Variants in BLTP2 observed in about 807,000 individuals in gnomAD.
BLTP2 encodes the protein bridge-like lipid transfer protein family member 2.
chr17:28,638,667 T>C, the BLTP2 span: 1 of 1,393,602 alleles, frequency 7.2e-7, no homozygotes, highest in Non-Finnish European at 1.0e-6. Context: ...GACATCATTG[T>C]TTGGTAAGAA....
At chr17:28,627,566 A>G in the BLTP2 span, among the ~76,000 whole-genome samples, 1 of 151,880 alleles carries the variant, frequency 6.6e-6, no homozygotes, top group Non-Finnish European at 1.5e-5. Context: ...GCCACCATGC[A>G]CGGCTAATTT....
the BLTP2 span, chr17:28,618,729 T>G: frequency 1.5e-6 from 2 of 1,379,084 alleles, no homozygotes; most frequent in Non-Finnish European, 2.0e-6. Context: ...TGAGTTAGAC[T>G]CCTAAGCTAG....
At chr17:28,639,314 CCTTT>C in the BLTP2 span, 2 of 1,614,008 alleles carry the variant, frequency 1.2e-6, no homozygotes, top group Non-Finnish European at 1.7e-6. Context: ...ATCAGACTGA[CCTTT>C]TTTTCCTTTG....
chr17:28,639,516 G>C, the BLTP2 span: 1 of 1,613,028 alleles, frequency 6.2e-7, no homozygotes, highest in Non-Finnish European at 8.5e-7. Flanking sequence ...AACTCAAAAC[G>C]AAATAATGTA....
At chr17:28,637,711 G>T in the BLTP2 span, 1 of 820,378 alleles carries the variant, frequency 1.2e-6, no homozygotes, top group Non-Finnish European at 1.9e-6. Flanking sequence ...TCGCTCGTTT[G>T]CCCAGGCTCG....
chr17:28,624,257 G>A, the BLTP2 span: 1 of 1,614,134 alleles, frequency 6.2e-7, no homozygotes, highest in Non-Finnish European at 8.5e-7. Context: ...ATTCAATAAG[G>A]CAGTTTCGGT....
At chr17:28,632,142 C>T in the BLTP2 span, 5 of 1,614,060 alleles carry the variant, frequency 3.1e-6, no homozygotes, top group African/African-American at 6.7e-5. Context: ...AGAGCTTTCC[C>T]CTGCAGATAG....
the BLTP2 span, chr17:28,644,853 C>T: frequency 1.4e-6 from 1 of 710,238 alleles, no homozygotes; most frequent in Non-Finnish European, 2.3e-6. Flanking sequence ...TCGCCGCGCG[C>T]CCCCTCCCTC....
the BLTP2 span, chr17:28,640,043 C>G: frequency 6.2e-7 from 1 of 1,612,058 alleles, no homozygotes. Context: ...GAGACAGATT[C>G]CAGCTCAGGA....
the BLTP2 span, chr17:28,616,369 T>C: frequency 4.3e-6 from 7 of 1,614,138 alleles, no homozygotes; most frequent in African/African-American, 5.3e-5. This position sits in a 1 kb window ranked among gnomAD's most constrained non-coding sequence, Gnocchi z 4.8. Context: ...ATCAGGGGCA[T>C]GTTTGGTACC....
At chr17:28,620,592 C>T in the BLTP2 span, 1 of 1,614,146 alleles carries the variant, frequency 6.2e-7, no homozygotes, top group Non-Finnish European at 8.5e-7. Context: ...GTGGAAATTT[C>T]CAGCTCATGG....
chr17:28,628,100 C>T, the BLTP2 span, among the ~76,000 whole-genome samples: 1 of 152,200 alleles, frequency 6.6e-6, no homozygotes, highest in Admixed American at 6.5e-5. Context: ...CCCAACATCA[C>T]TGTTACTTAA....
chr17:28,624,406 G>A, the BLTP2 span: 1 of 1,606,698 alleles, frequency 6.2e-7, no homozygotes, highest in Non-Finnish European at 8.5e-7. Context: ...AGAGAAATAG[G>A]AAGCAGGGAA....
chr17:28,625,604 T>C, the BLTP2 span, among the ~76,000 whole-genome samples: 1 of 152,158 alleles, frequency 6.6e-6, no homozygotes, highest in Non-Finnish European at 1.5e-5. Context: ...CTGATATTAC[T>C]GTTACCATCA....
chr17:28,639,312 G>T, the BLTP2 span: 1 of 1,614,100 alleles, frequency 6.2e-7, no homozygotes, highest in South Asian at 1.1e-5. Flanking sequence ...AGATCAGACT[G>T]ACCTTTTTTT....
the BLTP2 span, chr17:28,642,389 C>T: frequency 8.8e-6 from 13 of 1,479,082 alleles, no homozygotes; most frequent in South Asian, 5.7e-5. Context: ...CGGTGGCTCA[C>T]GCCTGTAACC....
the BLTP2 span, among the ~76,000 whole-genome samples, chr17:28,630,537 C>A: frequency 6.9e-6 from 1 of 144,798 alleles, no homozygotes; most frequent in East Asian, 2.1e-4. Flanking sequence ...TTGGAGCGCA[C>A]TGGTGTGACC....
chr17:28,626,394 G>C, the BLTP2 span, among the ~76,000 whole-genome samples: 2 of 152,122 alleles, frequency 1.3e-5, no homozygotes, highest in Non-Finnish European at 2.9e-5. Context: ...TATATATTTG[G>C]TCTTCCCTGC....
At chr17:28,638,184 C>T in the BLTP2 span, 1 of 1,597,822 alleles carries the variant, frequency 6.3e-7, no homozygotes. Context: ...TTAGGATGCT[C>T]AGCGCTCTGA....
Sources: allele counts gnomAD v4.1 joint callset (sites outside exome capture counted in the v4.1 genomes callset), GRCh38; gene constraint gnomAD v4.1.1; non-coding constraint Gnocchi (gnomAD v3.1); transcripts MANE v1.5; gene names NCBI Gene and HGNC (gene_info 2026-07-23, HGNC 2026-07-21).